The following BOP1 variants were observed in gnomAD, a reference collection of about 807,000 sequenced individuals.
BOP1 encodes BOP1 ribosomal biogenesis factor, also known as ribosome biogenesis protein BOP1.
A neutral mutation model predicts 82.9 loss-of-function variants in BOP1; 54 were observed. That is an observed-to-expected ratio of 0.65 (90% CI 0.52 to 0.82). BOP1 has a LOEUF of 0.82. Ranked by LOEUF, BOP1 falls within the 40% of genes least tolerant of loss-of-function variation. BOP1 has a pLI of 0.00. For synonymous variants in BOP1, 566 were observed against 451.1 expected (o/e 1.25, Z -3.23); for missense variants, 1,170 against 1,072.0 (o/e 1.09, Z -1.28).
chr8:144,268,212 G>A, intron 3 of BOP1: 2 of 1,542,200 alleles, frequency 1.3e-6, no homozygotes, highest in South Asian at 1.2e-5. Flanking sequence ...ACTGCAGACA[G>A]CCCCCACCTT....
At chr8:144,282,825 T>G (rs1033477273) in intron 2 of BOP1, among the ~76,000 whole-genome samples, 19 of 152,028 alleles carry the variant, frequency 1.2e-4, no homozygotes, top group African/African-American at 2.4e-5. Context: ...ACCCTGCTCC[T>G]TGAGTGCACC....
In BOP1 at chr8:144,291,376, A is replaced by T. The variant is rs782004915; in HGVS notation, c.-6T>A. 8.3e-7 allele frequency: 1 copy of T among 1,202,744 alleles called. No individual in the cohort carries two copies. Among genetic ancestry groups the T allele is most frequent in the South Asian group, 3.6e-5 (1 of 27,416 alleles). The allele number at this position is 1,202,744 out of a possible 1,614,324, so 74.5% of individuals were successfully genotyped here. On this transcript the variant is annotated 5_prime_UTR_variant, in exon 1 of 16. Coordinates refer to ENST00000569669, the MANE Select transcript of BOP1 (RefSeq NM_015201.5). The surrounding 1 kb of genome is among the most constrained non-coding windows in gnomAD (Gnocchi z 4.1). ...GCACCCCGCGAACCCGCCATGCCCCACCGCGCGCCGGCCGCCACCCGCACA... is the reference window on the plus strand; with the variant it reads ...GCACCCCGCGAACCCGCCATGCCCCTCCGCGCGCCGGCCGCCACCCGCACA...
chr8:144,285,416 A>G (rs1814839938), intron 2 of BOP1, among the ~76,000 whole-genome samples: 1 of 152,198 alleles, frequency 6.6e-6, no homozygotes, highest in African/African-American at 2.4e-5. Context: ...TGGAGGAAAC[A>G]GCGACAGGAG....
rs1052882313 is a variant in BOP1 at position 144,264,389 on chromosome 8, G to C, written c.814C>G (p.Arg272Gly). ...AIKMGWIQPR[R>G]PRDPTPSFYD... ...AAGCTGGGGGTGGGGTCTCGGGGCC[G>C]GCGAGGCTGGATCCAGCCCATCTTG... Residue 272 changes from arginine (R) to glycine (G), a missense_variant, in exon 7 of 16, where the codon CGG becomes GGG. Physicochemically the swap from Arg to Gly is moderately radical, Grantham distance 125. Coordinates refer to ENST00000569669, the MANE Select transcript of BOP1 (RefSeq NM_015201.5). 6.2e-7 allele frequency: 1 copy of C among 1,602,562 alleles called. No individual in the cohort carries two copies. The highest frequency in any genetic ancestry group is 1.3e-5 in the African/African-American group (1 of 75,008).
intron 3 of BOP1, among the ~76,000 whole-genome samples, chr8:144,273,118 G>A (rs901477726): frequency 4.6e-5 from 7 of 152,156 alleles, no homozygotes; most frequent in East Asian, 1.9e-4. Flanking sequence ...AGCCGAGGCC[G>A]CGCCGCCAGC....
At position 144,263,763 on chromosome 8, in the gene BOP1, TGAG is replaced by T; in HGVS notation, c.1222-5_1222-3del. 2 of 1,583,022 alleles carry T rather than the reference TGAG, an allele frequency of 1.3e-6. No individual in the cohort carries two copies. The highest frequency in any genetic ancestry group is 1.1e-5 in the South Asian group (1 of 87,854). ...AAGGTCACTGTGGCCCCTGTAGACC[TGAG>T]GAGGCGGCGGCAGTGAGGAGTCAGA... On this transcript the variant is annotated splice_polypyrimidine_tract_variant and splice_region_variant and intron_variant, in intron 9 of 15. Coordinates refer to ENST00000569669, the MANE Select transcript of BOP1 (RefSeq NM_015201.5).
intron 1 of BOP1, among the ~76,000 whole-genome samples, chr8:144,290,861 C>T (rs1396442564): frequency 6.6e-6 from 1 of 152,224 alleles, no homozygotes; most frequent in East Asian, 1.9e-4. Flanking sequence ...TCTAATACAG[C>T]AAATGCAGCA....
intron 3 of BOP1, chr8:144,266,699 G>A: frequency 8.1e-7 from 1 of 1,230,870 alleles, no homozygotes; most frequent in Non-Finnish European, 1.0e-6. Flanking sequence ...GAGGACCGCG[G>A]CAGCGACAGC....
chr8:144,270,758 G>A (rs1373829653), intron 3 of BOP1, among the ~76,000 whole-genome samples: 2 of 152,116 alleles, frequency 1.3e-5, no homozygotes, highest in Non-Finnish European at 2.9e-5. Context: ...CACAGCCCCT[G>A]GCTCCCTTCC....
intron 3 of BOP1, chr8:144,268,094 C>G: frequency 6.4e-7 from 1 of 1,550,602 alleles, no homozygotes; most frequent in South Asian, 1.2e-5. Flanking sequence ...CTCCTCCCTC[C>G]CCTCTGCAGA....
At position 144,263,091 on chromosome 8, in the gene BOP1, C is replaced by T. The variant is rs1845264777; in HGVS notation, c.1656G>A (p.Val552=). The T allele has an allele frequency of 1.9e-6, 3 of 1,591,438 alleles. No individual in the cohort carries two copies. Among genetic ancestry groups the T allele is most frequent in the Admixed American group, 3.4e-5 (2 of 59,370 alleles). The stretch of plus-strand genomic sequence containing the variant: ...CCTGGGTGTGGCCTTGGGTGGCCAG[C>T]ACCACGGCCAGGTAGTCCCCACGCC... ...WHGRGDYLAV[V]LATQGHTQVL... Residue 552 remains valine, a synonymous_variant, in exon 13 of 16, where the codon GTG becomes GTA. Transcript: ENST00000569669.
intron 3 of BOP1, chr8:144,266,872 C>A: frequency 1.4e-6 from 2 of 1,479,350 alleles, no homozygotes; most frequent in Non-Finnish European, 1.8e-6. Flanking sequence ...CGAGCGAGAC[C>A]GCACCAACAG....
intron 3 of BOP1, among the ~76,000 whole-genome samples, chr8:144,275,468 TGGCGGAGCCCAGCCCGGTGCCAGCCTCTC>T (rs1845555237): frequency 1.9e-5 from 1 of 51,480 alleles, no homozygotes; most frequent in Non-Finnish European, 4.4e-5. Context: ...CTCTCCACGC[TGGCGGAGCCCAGCCCGGTGCCAGCCTCTC>T]CACGCTGGCG....
intron 2 of BOP1, among the ~76,000 whole-genome samples, chr8:144,278,310 C>T (rs1293508740): frequency 6.6e-6 from 1 of 152,208 alleles, no homozygotes; most frequent in Non-Finnish European, 1.5e-5. Context: ...CCCTGCGTGG[C>T]CTCTGCCCAG....
chr8:144,275,980 C>T (rs2130238879), intron 3 of BOP1, among the ~76,000 whole-genome samples: 1 of 152,306 alleles, frequency 6.6e-6, no homozygotes, highest in Admixed American at 6.5e-5. Flanking sequence ...GGAGCCACAC[C>T]CAGGTCCTTC....
chr8:144,285,782 G>A (rs1288497628), intron 2 of BOP1, among the ~76,000 whole-genome samples: 2 of 152,226 alleles, frequency 1.3e-5, no homozygotes, highest in Admixed American at 6.5e-5. Flanking sequence ...TGGCTGTGGC[G>A]GGCGAGGGTG....
chr8:144,268,720 C>T (rs1355945776), intron 3 of BOP1, among the ~76,000 whole-genome samples: 3 of 151,652 alleles, frequency 2.0e-5, no homozygotes, highest in African/African-American at 4.9e-5. Context: ...GGGAGCCACG[C>T]CGGGAGAGAG....
At chr8:144,266,661 C>T (rs1361496402) in intron 3 of BOP1, 2 of 1,260,900 alleles carry the variant, frequency 1.6e-6, no homozygotes, top group Non-Finnish European at 1.0e-6. Flanking sequence ...GCTACCTGTA[C>T]CCCGAGGTGA....
chr8:144,267,087 C>T lies in BOP1; in HGVS notation c.391-2016G>A, dbSNP rs1225601113. 2.2e-6 allele frequency: 3 copies of T among 1,367,502 alleles called. 1 individual carries two copies. The highest frequency in any genetic ancestry group is 3.2e-5 in the East Asian group (1 of 31,492). 84.7% of individuals were successfully genotyped at this position (1,367,502 alleles called of 1,614,324 possible). ...TCCACGCGGCGCGCGCCGGCAGCCC[C>T]CCGCCGCCGCCCCCGCCGCCTCCCG... On this transcript the variant is annotated intron_variant, in intron 3 of 15. Coordinates refer to ENST00000569669, the MANE Select transcript of BOP1 (RefSeq NM_015201.5).
Sources: gnomAD v4.1 joint callset for allele counts (sites outside exome capture counted in the v4.1 genomes callset) on GRCh38, gnomAD v4.1.1 for gene constraint, Gnocchi (gnomAD v3.1) non-coding constraint, MANE v1.5 for transcripts, NCBI Gene and HGNC (gene_info 2026-07-23, HGNC 2026-07-21) for gene names.